The following ATCAY variants were observed in gnomAD, a reference collection of about 807,000 sequenced individuals.
ATCAY encodes caytaxin.
A neutral mutation model predicts 47.7 loss-of-function variants in ATCAY; 22 were observed. That is an observed-to-expected ratio of 0.46 (90% CI 0.33 to 0.66). The LOEUF (loss-of-function observed/expected upper bound fraction) is 0.66. Among genes scored for constraint, ATCAY ranks in the 30% least tolerant of loss-of-function variants. The pLI, the probability that ATCAY is intolerant of heterozygous loss-of-function variation, is 0.02. For missense variants in ATCAY, 452 were observed against 515.0 expected, an observed-to-expected ratio of 0.88 and a Z score of 1.18; for synonymous variants, 216 against 207.6, an observed-to-expected ratio of 1.04 and a Z score of -0.35.
intron 8 of ATCAY, 55 bp from the exon 9 acceptor site, chr19:3,913,702 TA>T: frequency 7.1e-7 from 1 of 1,404,416 alleles, no homozygotes. Flanking sequence ...TGGACCTAGG[TA>T]ACCCCCACCC....
chr19:3,894,496 A>AG (rs2038747652), intron 2 of ATCAY, among the ~76,000 whole-genome samples: 1 of 151,008 alleles, frequency 6.6e-6, no homozygotes, highest in Admixed American at 6.6e-5. Context: ...AAAAAAAAAA[A>AG]AAAAAAAATT....
chr19:3,924,096 G>T (rs893664543), intron 12 of ATCAY, among the ~76,000 whole-genome samples: 1 of 148,712 alleles, frequency 6.7e-6, no homozygotes, highest in Non-Finnish European at 1.5e-5. Flanking sequence ...AGATGGATGA[G>T]TGGAGGGATG....
Position 3,907,112 on chromosome 19 carries a change from C to T in ATCAY, c.359-622C>T, listed in dbSNP as rs1028779838. On this transcript the variant is annotated intron_variant, in intron 4 of 12. Coordinates refer to ENST00000450849, the MANE Select transcript of ATCAY (RefSeq NM_033064.5). This position sits in a 1 kb window ranked among gnomAD's most constrained non-coding sequence, Gnocchi z 5.1. ...TCGCACCACTCCACTCCAGCCTGGG[C>T]GATGGAACAAGACTCTCTCAAAAAA... is the stretch of plus-strand genomic sequence containing the variant. 8.4e-5 allele frequency among the ~76,000 whole-genome samples: 12 copies of T among 143,106 alleles called. No homozygotes were observed. Among genetic ancestry groups the T allele is most frequent in the East Asian group, 2.0e-4 (1 of 4,946 alleles). 93.9% of individuals were successfully genotyped at this position (143,106 alleles called of 152,430 possible). A position where few individuals can be genotyped will look rare whatever the true frequency, so the allele number is the denominator to read the frequency against.
intron 8 of ATCAY, 56 bp from the exon 9 acceptor site, chr19:3,913,702 T>C: frequency 7.1e-7 from 1 of 1,404,416 alleles, no homozygotes; most frequent in South Asian, 1.2e-5. Context: ...TGGACCTAGG[T>C]AACCCCCACC....
chr19:3,908,006 C>A, intron 5 of ATCAY, 87 bp downstream of exon 5: 3 of 1,479,138 alleles, frequency 2.0e-6, no homozygotes, highest in Non-Finnish European at 2.8e-6. Context: ...CTCTGATGCA[C>A]GGGGATGTTA....
intron 2 of ATCAY, among the ~76,000 whole-genome samples, chr19:3,901,580 C>T (rs959561225): frequency 1.4e-4 from 22 of 152,118 alleles, no homozygotes; most frequent in Non-Finnish European, 2.9e-4. Flanking sequence ...TCATGTGATG[C>T]TGGGGAAAAA....
intron 2 of ATCAY, among the ~76,000 whole-genome samples, chr19:3,900,131 C>G (rs1443958624): frequency 6.6e-6 from 1 of 151,700 alleles, no homozygotes; most frequent in Non-Finnish European, 1.5e-5. Flanking sequence ...TATTAGTTAC[C>G]AAAGTCCATG....
At chr19:3,883,448 C>T (rs1388343245) in intron 1 of ATCAY, among the ~76,000 whole-genome samples, 3 of 152,164 alleles carry the variant, frequency 2.0e-5, no homozygotes, top group South Asian at 2.1e-4. Flanking sequence ...TAATGACTGC[C>T]GGACACAGGC....
At chr19:3,889,386 C>T (rs1599277033) in intron 2 of ATCAY, among the ~76,000 whole-genome samples, 1 of 152,120 alleles carries the variant, frequency 6.6e-6, no homozygotes, top group Non-Finnish European at 1.5e-5. Context: ...GAACTCCAGC[C>T]TGGGCGACAG....
intron 2 of ATCAY, among the ~76,000 whole-genome samples, chr19:3,901,821 C>G (rs983180064): frequency 1.6e-4 from 25 of 152,004 alleles, no homozygotes; most frequent in African/African-American, 6.0e-4. Flanking sequence ...ATGGTGAAAC[C>G]CCGTCTCTAC....
At chr19:3,900,316 A>G (rs2038805887) in intron 2 of ATCAY, among the ~76,000 whole-genome samples, 1 of 146,514 alleles carries the variant, frequency 6.8e-6, no homozygotes, top group African/African-American at 2.5e-5. Flanking sequence ...CTCAGCCTCC[A>G]GAGTAGCTGG....
In ATCAY at chr19:3,908,264, T is replaced by C. The variant is rs1381747812; in HGVS notation, c.545-4T>C. On this transcript the variant is annotated splice_region_variant and splice_polypyrimidine_tract_variant and intron_variant, in intron 5 of 12. Transcript: ENST00000450849. Reference sequence around the variant, plus strand: ...GACGTTGCCGATCGGCTGCCTCTCCTCAGGGTACTACGGCGAAGGCCTCAA... The same window carrying C: ...GACGTTGCCGATCGGCTGCCTCTCCCCAGGGTACTACGGCGAAGGCCTCAA... The C allele has an allele frequency of 6.4e-7, 1 of 1,570,698 alleles. No homozygotes were observed. The highest frequency in any genetic ancestry group is 8.6e-7 in the Non-Finnish European group (1 of 1,157,840).
In ATCAY at chr19:3,927,126, TAGA is replaced by T. The variant is rs1374955903; in HGVS notation, c.*2539_*2541del. ...GTCCCAGCTACTCAGGAGGCTGAGGTAGAAGAATAGCTGGAACCCAGGAGGCAG... is the reference window on the plus strand; with the variant it reads ...GTCCCAGCTACTCAGGAGGCTGAGGTAGAATAGCTGGAACCCAGGAGGCAG... On this transcript the variant is annotated 3_prime_UTR_variant, in exon 13 of 13. Transcript: ENST00000450849. 6.6e-6 allele frequency: 1 copy of T among 151,918 alleles called. No individual in the cohort carries two copies. Among genetic ancestry groups the T allele is most frequent in the African/African-American group, 2.4e-5 (1 of 41,304 alleles). 9.4% of individuals were successfully genotyped at this position (151,918 alleles called of 1,614,324 possible).
chr19:3,900,277 C>T (rs35159479), intron 2 of ATCAY, among the ~76,000 whole-genome samples: 2,120 of 151,562 alleles, frequency 0.014, 61 homozygotes, highest in African/African-American at 0.048. Context: ...CTGCAGCCTC[C>T]GCCTCCCAGG....
Position 3,902,543 on chromosome 19 carries a change from C to G in ATCAY, c.134C>G (p.Ser45Cys), listed in dbSNP as rs1208532114. 1 of 1,569,800 alleles carries G rather than the reference C, an allele frequency of 6.4e-7. No homozygotes were observed. Among genetic ancestry groups the G allele is most frequent in the Admixed American group, 1.9e-5 (1 of 53,472 alleles). ...CTTGGCAGCCCGGTGGAAGACACAT[C>G]CTGTAAGTTTCCACGTCCACAGAAG... ...ELLGSPVEDT[S>C]SPPNTLNFNG... is the part of the protein sequence containing the mutation. The change falls in exon 3 of 13, where the codon TCC becomes TGC. Residue 45 changes from serine (S) to cysteine (C), a missense_variant and splice_region_variant. By Grantham distance (112) the Ser-to-Cys change is moderately radical (BLOSUM62 -1). Coordinates refer to ENST00000450849, the MANE Select transcript of ATCAY (RefSeq NM_033064.5).
Position 3,905,529 on chromosome 19 carries a change from T to A in ATCAY, c.232T>A (p.Ser78Thr). 1 of 1,613,560 alleles carries A rather than the reference T, an allele frequency of 6.2e-7. No homozygotes were observed. Among genetic ancestry groups the A allele is most frequent in the Non-Finnish European group, 8.5e-7 (1 of 1,179,804 alleles). ...INISLDQSEGSLLSDDFLDTP... is the reference protein window; with the variant it reads ...INISLDQSEGTLLSDDFLDTP... ...CATTTCTCTGGATCAGAGTGAGGGG[T>A]CCCTGCTGTCCGATGACTTCTTGGA... The change falls in exon 4 of 13, where the codon TCC (serine) becomes ACC (threonine). Residue 78 changes from serine (S) to threonine (T), a missense_variant. By Grantham distance (58) the Ser-to-Thr change is moderately conservative (BLOSUM62 1). Coordinates refer to ENST00000450849, the MANE Select transcript of ATCAY (RefSeq NM_033064.5).
chr19:3,897,468 T>C (rs1449046134), intron 2 of ATCAY, among the ~76,000 whole-genome samples: 1 of 151,642 alleles, frequency 6.6e-6, no homozygotes, highest in Admixed American at 6.6e-5. Flanking sequence ...CCTGGCTTTT[T>C]ATTTTTTATA....
chr19:3,910,856 G>A lies in ATCAY; in HGVS notation c.833G>A (p.Arg278Gln), dbSNP rs1323208400. The change falls in exon 8 of 13, where the codon CGG (arginine) becomes CAG (glutamine). Residue 278 changes from arginine to glutamine, a missense_variant. Transcript: ENST00000450849. ...LIIVHPSWFI[R>Q]TVLAISRPFI... ...ATCGTCCACCCCTCGTGGTTCATTCGGACTGTGCTGGCCATCTCTCGCCCT... is the reference window on the plus strand; with the variant it reads ...ATCGTCCACCCCTCGTGGTTCATTCAGACTGTGCTGGCCATCTCTCGCCCT... 13 of 1,613,982 alleles carry A rather than the reference G, an allele frequency of 8.1e-6. No individual in the cohort carries two copies. The highest frequency in any genetic ancestry group is 8.5e-6 in the Non-Finnish European group (10 of 1,179,896).
intron 10 of ATCAY, 132 bp downstream of exon 10, chr19:3,917,909 C>A: frequency 1.1e-6 from 1 of 943,112 alleles, no homozygotes; most frequent in Non-Finnish European, 1.5e-6. Flanking sequence ...AGACGCTGCC[C>A]TTCTGGCAAG....
Sources: gnomAD v4.1 joint callset for allele counts (sites outside exome capture counted in the v4.1 genomes callset) on GRCh38, gnomAD v4.1.1 for gene constraint, Gnocchi (gnomAD v3.1) non-coding constraint, MANE v1.5 for transcripts, NCBI Gene and HGNC (gene_info 2026-07-23, HGNC 2026-07-21) for gene names.